CAMK4: variants seen among roughly 807,000 people sequenced by gnomAD.
CAMK4 encodes calcium/calmodulin-dependent protein kinase type IV.
In CAMK4, 22 loss-of-function variants were observed where a neutral mutation model predicts 44.9. The ratio of observed to expected loss-of-function variants is 0.49; its 90% CI spans 0.35 to 0.70. CAMK4 has a LOEUF of 0.70. Ranked by LOEUF, CAMK4 falls within the 30% of genes least tolerant of loss-of-function variation. The pLI is 0.01. For missense variants in CAMK4, 498 were observed against 586.8 expected (o/e 0.85, Z 1.56); for synonymous variants, 218 against 215.4 (o/e 1.01, Z -0.11).
intron 4 of CAMK4, among the ~76,000 whole-genome samples, chr5:111,381,934 A>G (rs1751431970): frequency 3.1e-5 from 1 of 32,566 alleles, no homozygotes; most frequent in Non-Finnish European, 5.6e-5. Flanking sequence ...TGAAAACAGA[A>G]TTAGTAATGA....
intron 5 of CAMK4, among the ~76,000 whole-genome samples, chr5:111,420,839 G>C (rs1162557431): frequency 5.3e-5 from 8 of 152,148 alleles, no homozygotes; most frequent in Admixed American, 5.2e-4. Flanking sequence ...AACAATTGCT[G>C]TTATCCTGTT....
Position 111,224,438 on chromosome 5 carries a change from C to T in CAMK4, c.-46C>T, listed in dbSNP as rs111263260. On this transcript the variant is annotated 5_prime_UTR_variant, in exon 1 of 11. Transcript: ENST00000282356. This position sits in a 1 kb window ranked among gnomAD's most constrained non-coding sequence, Gnocchi z 5.7. ...GCTGGCGGCCGGCTTCTCGCTCGGGCAGCGGCGGCGGCGGCGGCGGCGGCT... is the reference window on the plus strand; with the variant it reads ...GCTGGCGGCCGGCTTCTCGCTCGGGTAGCGGCGGCGGCGGCGGCGGCGGCT... The T allele has an allele frequency of 2.6e-6, 4 of 1,541,044 alleles. No individual in the cohort carries two copies. The highest frequency in any genetic ancestry group is 5.2e-5 in the East Asian group (2 of 38,210).
chr5:111,262,912 T>G (rs1750052911), intron 1 of CAMK4, among the ~76,000 whole-genome samples: 1 of 152,232 alleles, frequency 6.6e-6, no homozygotes, highest in African/African-American at 2.4e-5. Flanking sequence ...AGACAGATAC[T>G]TTGGTTTGAT....
At chr5:111,442,706 G>T (rs1226722142) in intron 5 of CAMK4, among the ~76,000 whole-genome samples, 1 of 148,436 alleles carries the variant, frequency 6.7e-6, no homozygotes, top group African/African-American at 2.4e-5. Flanking sequence ...CTAATTTTTT[G>T]TTTTAGAAAA....
At chr5:111,313,586 T>C (rs550359657) in intron 1 of CAMK4, among the ~76,000 whole-genome samples, 1 of 152,238 alleles carries the variant, frequency 6.6e-6, no homozygotes, top group Non-Finnish European at 1.5e-5. Context: ...ATCTTGGTCA[T>C]GTTCCTTTAG....
At chr5:111,333,938 G>C (rs1344928777) in intron 1 of CAMK4, among the ~76,000 whole-genome samples, 2 of 151,452 alleles carry the variant, frequency 1.3e-5, no homozygotes, top group Non-Finnish European at 3.0e-5. Context: ...CTATCTGGGA[G>C]ACAGACCAAA....
chr5:111,376,981 C>A, intron 4 of CAMK4, 39 bp downstream of exon 4: 2 of 1,280,350 alleles, frequency 1.6e-6, no homozygotes, highest in Non-Finnish European at 2.2e-6. Context: ...GAAAGGTTTG[C>A]TTTTGGCCAC....
At chr5:111,312,311 T>A (rs1442409743) in intron 1 of CAMK4, among the ~76,000 whole-genome samples, 3 of 152,172 alleles carry the variant, frequency 2.0e-5, no homozygotes, top group Non-Finnish European at 4.4e-5. Flanking sequence ...GAGAACCAGC[T>A]TCAAGTTCCA....
chr5:111,237,600 T>C (rs1371107359), intron 1 of CAMK4, among the ~76,000 whole-genome samples: 2 of 152,244 alleles, frequency 1.3e-5, no homozygotes, highest in Non-Finnish European at 2.9e-5. Context: ...CTAGCACTAG[T>C]TGTAGATATC....
At chr5:111,419,111 C>G (rs1378538013) in intron 5 of CAMK4, among the ~76,000 whole-genome samples, 1 of 152,154 alleles carries the variant, frequency 6.6e-6, no homozygotes, top group Non-Finnish European at 1.5e-5. Flanking sequence ...CCTGTTGTTT[C>G]CTGAATTTTT....
chr5:111,224,498 G>C lies in CAMK4; in HGVS notation c.15G>C (p.Thr5=). MLKV[T]VPSCSASSCS... is the part of the protein sequence containing the mutation. Reference sequence around the variant, plus strand: ...CCGCTGCGAAGATGCTCAAAGTCACGGTGCCCTCCTGCTCCGCCTCGTCCT... The same window carrying C: ...CCGCTGCGAAGATGCTCAAAGTCACCGTGCCCTCCTGCTCCGCCTCGTCCT... Residue 5 remains threonine, a synonymous_variant, in exon 1 of 11, where the codon ACG becomes ACC. Coordinates refer to ENST00000282356, the MANE Select transcript of CAMK4 (RefSeq NM_001744.6). This position sits in a 1 kb window ranked among gnomAD's most constrained non-coding sequence, Gnocchi z 5.7. 6.2e-7 allele frequency: 1 copy of C among 1,605,500 alleles called. No individual in the cohort carries two copies. The highest frequency in any genetic ancestry group is 8.5e-7 in the Non-Finnish European group (1 of 1,177,296).
chr5:111,472,961 TAA>T (rs1755114940), intron 7 of CAMK4, among the ~76,000 whole-genome samples: 3 of 152,348 alleles, frequency 2.0e-5, no homozygotes, highest in African/African-American at 7.2e-5. Flanking sequence ...TTGTTATGCT[TAA>T]CTTTCATTTC....
At chr5:111,428,326 CA>C (rs1292834036) in intron 5 of CAMK4, among the ~76,000 whole-genome samples, 1 of 152,092 alleles carries the variant, frequency 6.6e-6, no homozygotes, top group Non-Finnish European at 1.5e-5. Context: ...GCCCAGATAC[CA>C]AAAAACATCT....
intron 1 of CAMK4, among the ~76,000 whole-genome samples, chr5:111,314,661 T>G (rs13160039): frequency 1.3e-5 from 2 of 152,098 alleles, no homozygotes; most frequent in Non-Finnish European, 2.9e-5. Context: ...TATACCCTGA[T>G]GTAATTGTGT....
intron 1 of CAMK4, among the ~76,000 whole-genome samples, chr5:111,328,591 A>T (rs564367008): frequency 0.012 from 1,754 of 151,986 alleles, 39 homozygotes; most frequent in African/African-American, 0.04. Flanking sequence ...AATCTATAAA[A>T]TACCTTGGGC....
chr5:111,445,529 AG>A (rs1423563542), intron 5 of CAMK4, among the ~76,000 whole-genome samples: 1 of 152,112 alleles, frequency 6.6e-6, no homozygotes, highest in African/African-American at 2.4e-5. Flanking sequence ...CCTGGGCTCA[AG>A]TGATCCTCCC....
At chr5:111,476,927 T>G (rs1755266429) in intron 8 of CAMK4, among the ~76,000 whole-genome samples, 1 of 152,228 alleles carries the variant, frequency 6.6e-6, no homozygotes, top group Admixed American at 6.5e-5. Flanking sequence ...ATTTGAGCAC[T>G]ATAACTCTTC....
chr5:111,317,286 G>T (rs1748466106), intron 1 of CAMK4, among the ~76,000 whole-genome samples: 1 of 152,056 alleles, frequency 6.6e-6, no homozygotes, highest in South Asian at 2.1e-4. Flanking sequence ...AATTAGTTCA[G>T]GTTAGTTTAA....
intron 7 of CAMK4, among the ~76,000 whole-genome samples, chr5:111,455,082 G>A (rs1754370834): frequency 6.6e-6 from 1 of 152,140 alleles, no homozygotes; most frequent in African/African-American, 2.4e-5. Flanking sequence ...TGTCCCATGT[G>A]CTAAGCCTCT....
Sources: gnomAD v4.1 joint callset for allele counts (sites outside exome capture counted in the v4.1 genomes callset) on GRCh38, gnomAD v4.1.1 for gene constraint, Gnocchi (gnomAD v3.1) non-coding constraint, MANE v1.5 for transcripts, NCBI Gene and HGNC (gene_info 2026-07-23, HGNC 2026-07-21) for gene names.